The following ADAP2 variants were observed in gnomAD, a reference collection of about 807,000 sequenced individuals.
ADAP2 encodes the protein ArfGAP with dual PH domains 2, also known as arf-GAP with dual PH domain-containing protein 2.
In ADAP2, 42 loss-of-function variants were observed where a neutral mutation model predicts 54.9. The ratio of observed to expected loss-of-function variants is 0.77; its 90% CI spans 0.60 to 0.99. The LOEUF (loss-of-function observed/expected upper bound fraction) is 0.99, where lower values mean the gene tolerates loss of function less well. ADAP2 is among the 50% of genes least tolerant of loss of function. The pLI is 0.00. For missense variants in ADAP2, 429 were observed against 480.4 expected (o/e 0.89, Z 1.00); for synonymous variants, 177 against 180.1 (o/e 0.98, Z 0.14).
chr17:30,951,387 G>A (rs1386866572), intron 7 of ADAP2, among the ~76,000 whole-genome samples: 1 of 151,986 alleles, frequency 6.6e-6, no homozygotes, highest in Non-Finnish European at 1.5e-5. Context: ...TCCGAATATT[G>A]AGCAGTTCGG....
chr17:30,934,189 C>T lies in ADAP2; in HGVS notation c.402C>T (p.Asn134=), dbSNP rs1210823085. The T allele has an allele frequency of 8.7e-6, 14 of 1,613,388 alleles. No homozygotes were observed. Among genetic ancestry groups the T allele is most frequent in the Non-Finnish European group, 1.2e-5 (14 of 1,179,502 alleles). ...TTGTCATCCTTGCTGCTTAAGGTAACCGAGAAGGATTCCTGTGGAAGCGAG... is the reference window on the plus strand; with the variant it reads ...TTGTCATCCTTGCTGCTTAAGGTAATCGAGAAGGATTCCTGTGGAAGCGAG... ...ADGETISLPG[N]REGFLWKRGR... The change falls in exon 5 of 11, where the codon AAC becomes AAT. Residue 134 remains asparagine (N), a synonymous_variant. Transcript: ENST00000330889.
chr17:30,952,810 C>T (rs1009428980), intron 7 of ADAP2, among the ~76,000 whole-genome samples: 3 of 152,140 alleles, frequency 2.0e-5, no homozygotes, highest in Non-Finnish European at 4.4e-5. Flanking sequence ...GTGTCATTGG[C>T]CCTGGGCCTG....
At chr17:30,932,660 C>T (rs746578084) in intron 4 of ADAP2, among the ~76,000 whole-genome samples, 5 of 151,586 alleles carry the variant, frequency 3.3e-5, no homozygotes, top group Non-Finnish European at 7.4e-5. Context: ...TCAGTGCAGC[C>T]TCTGCCTCCT....
rs1411416641 is a variant in ADAP2 at position 30,956,338 on chromosome 17, A to C, written c.980A>C (p.Lys327Thr). 1 of 1,614,210 alleles carries C rather than the reference A, an allele frequency of 6.2e-7. No homozygotes were observed. Among genetic ancestry groups the C allele is most frequent in the Non-Finnish European group, 8.5e-7 (1 of 1,180,032 alleles). Reference sequence around the variant, plus strand: ...AAGGGCATCCGAGGAAATCGCTGGAAAGCCGGACTCACCATTGTCACCCCA... The same window carrying C: ...AAGGGCATCCGAGGAAATCGCTGGACAGCCGGACTCACCATTGTCACCCCA... Reference protein sequence around the residue: ...LPKGIRGNRWKAGLTIVTPER... With the variant: ...LPKGIRGNRWTAGLTIVTPER... Residue 327 changes from lysine to threonine, a missense_variant, in exon 10 of 11, where the codon AAA becomes ACA. Transcript: ENST00000330889.
At chr17:30,926,791 G>C in intron 2 of ADAP2, 36 bp from the exon 3 acceptor site, 1 of 1,593,026 alleles carries the variant, frequency 6.3e-7, no homozygotes, top group Non-Finnish European at 8.6e-7. Flanking sequence ...GTTTTTTCAA[G>C]TTCTAATATT....
At chr17:30,942,010 A>C (rs999611912) in intron 5 of ADAP2, among the ~76,000 whole-genome samples, 2 of 151,734 alleles carry the variant, frequency 1.3e-5, no homozygotes, top group African/African-American at 4.8e-5. Flanking sequence ...GGGTCAAGCG[A>C]TTCTCCTTCC....
intron 5 of ADAP2, among the ~76,000 whole-genome samples, chr17:30,934,711 T>C (rs1911747106): frequency 6.6e-6 from 1 of 152,134 alleles, no homozygotes; most frequent in South Asian, 2.1e-4. Flanking sequence ...ATATATAATA[T>C]ACCAGGAGGC....
At chr17:30,938,446 C>T (rs1023976849) in intron 5 of ADAP2, among the ~76,000 whole-genome samples, 1 of 152,160 alleles carries the variant, frequency 6.6e-6, no homozygotes, top group African/African-American at 2.4e-5. Flanking sequence ...GCAACAAGCC[C>T]TGATTCAAGG....
intron 2 of ADAP2, among the ~76,000 whole-genome samples, chr17:30,925,562 TTCTTC>T (rs1054555245): frequency 1.3e-5 from 2 of 150,806 alleles, no homozygotes; most frequent in African/African-American, 4.9e-5. Context: ...CTTCTTCTTC[TTCTTC>T]TCTTTTCTTT....
chr17:30,938,282 G>A (rs939991794), intron 5 of ADAP2, among the ~76,000 whole-genome samples: 11 of 152,148 alleles, frequency 7.2e-5, no homozygotes, highest in Non-Finnish European at 1.5e-4. Flanking sequence ...TGGTGCCTTG[G>A]TGTACTCTAT....
intron 6 of ADAP2, among the ~76,000 whole-genome samples, chr17:30,946,593 G>A (rs542804762): frequency 6.6e-6 from 1 of 152,226 alleles, no homozygotes; most frequent in South Asian, 2.1e-4. Context: ...AATAAGCTGG[G>A]TCAGGTCCTG....
At chr17:30,948,770 T>C (rs1488046755) in intron 6 of ADAP2, among the ~76,000 whole-genome samples, 1 of 152,096 alleles carries the variant, frequency 6.6e-6, no homozygotes, top group East Asian at 1.9e-4. Context: ...GCATCCTCAT[T>C]AGAGGAGCAT....
intron 8 of ADAP2, 105 bp downstream of exon 8, chr17:30,953,455 C>A: frequency 8.3e-7 from 1 of 1,212,046 alleles, no homozygotes; most frequent in Non-Finnish European, 1.2e-6. Flanking sequence ...GGTGTTAGGC[C>A]AAGCTTGTCC....
chr17:30,929,286 C>T (rs565592798), intron 3 of ADAP2, among the ~76,000 whole-genome samples: 5 of 152,330 alleles, frequency 3.3e-5, no homozygotes, highest in Admixed American at 3.3e-4. Flanking sequence ...TCACATGCCA[C>T]CCGACACACG....
At chr17:30,957,137 G>A (rs1905136859) in intron 10 of ADAP2, among the ~76,000 whole-genome samples, 1 of 152,228 alleles carries the variant, frequency 6.6e-6, no homozygotes, top group Non-Finnish European at 1.5e-5. Flanking sequence ...CCCCTTGGGG[G>A]AAACACTTGT....
chr17:30,937,208 G>C (rs1275115270), intron 5 of ADAP2, among the ~76,000 whole-genome samples: 2 of 151,758 alleles, frequency 1.3e-5, no homozygotes, highest in African/African-American at 2.4e-5. Flanking sequence ...ACAGGCGTGA[G>C]CCACCGCGCC....
intron 2 of ADAP2, among the ~76,000 whole-genome samples, chr17:30,923,934 C>T (rs763993319): frequency 4.0e-5 from 6 of 151,738 alleles, no homozygotes; most frequent in Non-Finnish European, 8.8e-5. Context: ...GAACTCCTGA[C>T]CTTGGGTAAT....
chr17:30,955,375 C>T (rs1221845877), intron 9 of ADAP2, among the ~76,000 whole-genome samples: 2 of 151,702 alleles, frequency 1.3e-5, no homozygotes, highest in Non-Finnish European at 2.9e-5. Context: ...CCCAGAAGTT[C>T]GAGACCAGCC....
intron 3 of ADAP2, among the ~76,000 whole-genome samples, chr17:30,930,989 T>C (rs1173256396): frequency 4.0e-5 from 6 of 151,696 alleles, no homozygotes; most frequent in African/African-American, 4.8e-5. Flanking sequence ...TTCAGAGGAG[T>C]TGGGTAACTT....
Sources: allele counts gnomAD v4.1 joint callset (sites outside exome capture counted in the v4.1 genomes callset), GRCh38; gene constraint gnomAD v4.1.1; transcripts MANE v1.5; gene names NCBI Gene and HGNC (gene_info 2026-07-23, HGNC 2026-07-21).